The following NCAM1 variants were observed in gnomAD, a reference collection of about 807,000 sequenced individuals.
NCAM1 encodes antigen recognized by monoclonal antibody 5.1H11.
A neutral mutation model predicts 109.8 loss-of-function variants in NCAM1; 14 were observed. That is an observed-to-expected ratio of 0.13 (90% CI 0.08 to 0.20). The LOEUF is 0.20. Among genes scored for constraint, NCAM1 ranks in the 10% least tolerant of loss-of-function variants. The pLI is 1.00. For synonymous variants in NCAM1, 418 were observed against 442.9 expected (o/e 0.94, Z 0.70); for missense variants, 774 against 1,109.9 (o/e 0.70, Z 4.30).
rs77686963 is a variant in NCAM1 at position 113,263,380 on chromosome 11, A to G, written c.2131+3057A>G. ...CTCTGTGCTCCTTGTCCTCCCTTCA[A>G]TAATAATTGGCTTTGCTTGCAATTA... On this transcript the variant is annotated intron_variant, in intron 17 of 19. Transcript: ENST00000316851. 4.6e-4 allele frequency: 458 copies of G among 990,432 alleles called. 5 individuals are homozygous for G. In the African/African-American group the frequency reaches 7.4e-3, roughly 16 times the overall value. The allele number at this position is 990,432 out of a possible 1,614,324, so 61.4% of individuals were successfully genotyped here.
At chr11:113,079,377 G>A (rs782460572) in intron 1 of NCAM1, among the ~76,000 whole-genome samples, 39 of 152,154 alleles carry the variant, frequency 2.6e-4, no homozygotes, top group Non-Finnish European at 2.6e-4. Context: ...AGCTGTGCCC[G>A]CAGTGACCCC....
chr11:113,108,571 G>A (rs1940274027), intron 1 of NCAM1, among the ~76,000 whole-genome samples: 1 of 152,062 alleles, frequency 6.6e-6, no homozygotes, highest in Non-Finnish European at 1.5e-5. Flanking sequence ...TAGGGTATTG[G>A]TGTCTGGACA....
chr11:113,168,212 G>A (rs7121317), intron 1 of NCAM1, among the ~76,000 whole-genome samples: 32,687 of 152,082 alleles, frequency 0.21, 4,498 homozygotes, highest in East Asian at 0.38. Flanking sequence ...CAGTGAATGC[G>A]TTATCTGTCT....
intron 7 of NCAM1, among the ~76,000 whole-genome samples, chr11:113,210,010 T>C (rs1944342135): frequency 6.6e-6 from 1 of 152,186 alleles, no homozygotes; most frequent in African/African-American, 2.4e-5. Flanking sequence ...ACAGGGGCTG[T>C]GTCTGTTTTA....
chr11:113,003,252 G>T (rs1591235265), intron 1 of NCAM1, among the ~76,000 whole-genome samples: 1 of 152,226 alleles, frequency 6.6e-6, no homozygotes, highest in South Asian at 2.1e-4. Flanking sequence ...CATGTTCAAA[G>T]GTCTCTCCAT....
chr11:113,101,476 A>C (rs1303781631), intron 1 of NCAM1, among the ~76,000 whole-genome samples: 1 of 152,062 alleles, frequency 6.6e-6, no homozygotes, highest in African/African-American at 2.4e-5. Context: ...GTTCTAAATT[A>C]TGGTTGCATT....
chr11:113,089,274 C>G (rs551129494), intron 1 of NCAM1, among the ~76,000 whole-genome samples: 4 of 152,034 alleles, frequency 2.6e-5, no homozygotes, highest in Non-Finnish European at 5.9e-5. Context: ...CCACTGCACT[C>G]CAGCCTGGGT....
chr11:113,233,200 C>G lies in NCAM1; in HGVS notation c.1576C>G (p.Gln526Glu), dbSNP rs1555117644. ...DQVEPYSSTAQVQFDEPEATG... is the reference protein window; with the variant it reads ...DQVEPYSSTAEVQFDEPEATG... Reference sequence around the variant, plus strand: ...GGTGGAGCCATACTCCAGCACAGCCCAGGTGCAGTTTGATGAACCAGAGGC... The same window carrying G: ...GGTGGAGCCATACTCCAGCACAGCCGAGGTGCAGTTTGATGAACCAGAGGC... Residue 526 changes from glutamine (Q) to glutamate (E), a missense_variant, in exon 13 of 20, where the codon CAG becomes GAG. Transcript: ENST00000316851. This position sits in a 1 kb window ranked among gnomAD's most constrained non-coding sequence, Gnocchi z 4.5. The G allele has an allele frequency of 6.2e-7, 1 of 1,613,864 alleles. No individual in the cohort carries two copies. Among genetic ancestry groups the G allele is most frequent in the Non-Finnish European group, 8.5e-7 (1 of 1,179,850 alleles).
Position 113,271,889 on chromosome 11 carries a change from G to A in NCAM1, c.2456+13G>A, listed in dbSNP as rs782577573. 1.9e-6 allele frequency: 3 copies of A among 1,548,824 alleles called. No individual in the cohort carries two copies. Among genetic ancestry groups the A allele is most frequent in the Non-Finnish European group, 1.7e-6 (2 of 1,145,340 alleles). On this transcript the variant is annotated intron_variant, in intron 19 of 19. Coordinates refer to ENST00000316851, the MANE Select transcript of NCAM1 (RefSeq NM_181351.5). ...TGACGGAGCCCGAGTACGTGGGCTG[G>A]GAGGGGCTGGCACCTGCTCCGTAGA...
chr11:113,153,444 G>A (rs1168896413), intron 1 of NCAM1, among the ~76,000 whole-genome samples: 1 of 144,120 alleles, frequency 6.9e-6, no homozygotes, highest in Non-Finnish European at 1.5e-5. Flanking sequence ...GGGGCACAGA[G>A]ACAGAGAGTG....
chr11:113,025,373 T>C (rs1952505292), intron 1 of NCAM1, among the ~76,000 whole-genome samples: 1 of 152,194 alleles, frequency 6.6e-6, no homozygotes, highest in Non-Finnish European at 1.5e-5. Flanking sequence ...TTTATTCACA[T>C]ATTATTTGCC....
chr11:113,087,957 C>G (rs1939163922), intron 1 of NCAM1, among the ~76,000 whole-genome samples: 1 of 152,150 alleles, frequency 6.6e-6, no homozygotes. Context: ...GTGCAGTGTT[C>G]TTTTCAGGTG....
rs529072289 is a variant in NCAM1, at chr11:113,029,334, TAAG to T, written c.52+67674_52+67676del. On this transcript the variant is annotated intron_variant, in intron 1 of 19. Transcript: ENST00000316851. Reference sequence around the variant, plus strand: ...ATTGAATGAATACACGCAATGGGGTTAAGAAGTCAAATAGTTTAACAGAAGGCT... The same window carrying T: ...ATTGAATGAATACACGCAATGGGGTTAAGTCAAATAGTTTAACAGAAGGCT... Among the ~76,000 whole-genome samples, 13 of 152,304 alleles carry T rather than the reference TAAG, an allele frequency of 8.5e-5. No individual in the cohort carries two copies. In the South Asian group the frequency reaches 2.7e-3, roughly 32 times the overall value.
At chr11:113,252,789 C>G (rs1555121617) in intron 15 of NCAM1, among the ~76,000 whole-genome samples, 1 of 128,486 alleles carries the variant, frequency 7.8e-6, no homozygotes, top group Non-Finnish European at 1.6e-5. Flanking sequence ...GCACATGCCA[C>G]TATGCCCAGC....
In NCAM1 at chr11:113,205,623, C is replaced by T. The variant is rs782177193; in HGVS notation, c.447C>T (p.Ile149=). The T allele has an allele frequency of 8.7e-6, 14 of 1,613,752 alleles. No individual in the cohort carries two copies. The East Asian group carries it at 2.9e-4, about 33-fold the overall frequency. Residue 149 remains isoleucine, a synonymous_variant, in exon 4 of 20, where the codon ATC becomes ATT. Coordinates refer to ENST00000316851, the MANE Select transcript of NCAM1 (RefSeq NM_181351.5). The part of the protein sequence containing the change: ...CDVVSSLPPT[I]IWKHKGRDVI... ...TGGTCAGCTCCCTCCCACCAACCAT[C>T]ATCTGGAAACACAAAGGCCGAGATG...
At chr11:113,264,119 C>T in intron 17 of NCAM1, 2 of 985,154 alleles carry the variant, frequency 2.0e-6, no homozygotes, top group Non-Finnish European at 2.4e-6. Flanking sequence ...TGGGGATGGA[C>T]CTTCTACTGA....
chr11:112,961,890 C>T (rs538275712), intron 1 of NCAM1, among the ~76,000 whole-genome samples: 2 of 152,130 alleles, frequency 1.3e-5, no homozygotes, highest in African/African-American at 4.8e-5. Flanking sequence ...GCGCCCGGCG[C>T]CCCTCCGGCG....
chr11:113,103,334 G>C (rs971090328), intron 1 of NCAM1, among the ~76,000 whole-genome samples: 5 of 152,184 alleles, frequency 3.3e-5, no homozygotes, highest in Non-Finnish European at 7.3e-5. Flanking sequence ...TAAATGGAGT[G>C]ATTTGAAATG....
intron 14 of NCAM1, among the ~76,000 whole-genome samples, chr11:113,245,143 G>A (rs533460445): frequency 2.0e-5 from 3 of 151,574 alleles, no homozygotes; most frequent in East Asian, 3.9e-4. Context: ...GTGCAACCAC[G>A]ATTCTAAAGA....
Sources: gnomAD v4.1 joint callset for allele counts (sites outside exome capture counted in the v4.1 genomes callset) on GRCh38, gnomAD v4.1.1 for gene constraint, Gnocchi (gnomAD v3.1) non-coding constraint, MANE v1.5 for transcripts, NCBI Gene and HGNC (gene_info 2026-07-23, HGNC 2026-07-21) for gene names.